Variants in RBBP8 observed in about 807,000 individuals in gnomAD.
RBBP8 encodes the protein DNA endonuclease RBBP8.
RBBP8 carries 88 observed loss-of-function variants against 108.3 expected under a neutral mutation model. That is an observed-to-expected ratio of 0.81 (90% CI 0.68 to 0.97). RBBP8 has a LOEUF of 0.97. Ranked by LOEUF, RBBP8 falls within the 50% of genes least tolerant of loss-of-function variation. The pLI, the probability that RBBP8 is intolerant of heterozygous loss-of-function variation, is 0.00. For missense variants in RBBP8, 1,023 were observed against 1,049.0 expected, an observed-to-expected ratio of 0.98 and a Z score of 0.34; for synonymous variants, 332 against 348.2, an observed-to-expected ratio of 0.95 and a Z score of 0.52.
intron 4 of RBBP8, among the ~76,000 whole-genome samples, chr18:22,966,677 C>CATGG (rs1434976394): frequency 2.0e-5 from 3 of 148,330 alleles, no homozygotes; most frequent in African/African-American, 7.4e-5. Context: ...GTGGCATATG[C>CATGG]TACCATGCTG....
At chr18:22,968,977 A>G (rs971976318) in intron 5 of RBBP8, 59 bp downstream of exon 5, 38 of 1,294,558 alleles carry the variant, frequency 2.9e-5, no homozygotes, top group Non-Finnish European at 3.7e-5. Context: ...TTTAAGACCT[A>G]TTAGTAAATT....
chr18:22,990,303 A>G (rs988079963), intron 9 of RBBP8, among the ~76,000 whole-genome samples: 17 of 152,174 alleles, frequency 1.1e-4, no homozygotes, highest in Admixed American at 1.1e-3. Flanking sequence ...CATTGTAACA[A>G]AATCTCCAGT....
At chr18:23,013,499 A>G (rs559038994) in intron 16 of RBBP8, among the ~76,000 whole-genome samples, 93 of 152,320 alleles carry the variant, frequency 6.1e-4, no homozygotes, top group Non-Finnish European at 1.0e-3. Context: ...CCAAGGTTTT[A>G]TAATAGTAAT....
intron 3 of RBBP8, among the ~76,000 whole-genome samples, chr18:22,924,131 T>TTTG (rs1555630316): frequency 7.8e-5 from 11 of 140,134 alleles, no homozygotes; most frequent in African/African-American, 1.6e-4. Flanking sequence ...TTTTTGGTTT[T>TTTG]TTTTTTTTTT....
intron 4 of RBBP8, among the ~76,000 whole-genome samples, chr18:22,958,829 A>G (rs952673602): frequency 5.3e-5 from 8 of 152,208 alleles, no homozygotes; most frequent in East Asian, 1.9e-4. Flanking sequence ...GGCATGAGCC[A>G]CTGTGCTCAG....
intron 4 of RBBP8, among the ~76,000 whole-genome samples, chr18:22,958,515 T>G (rs950022621): frequency 2.6e-5 from 4 of 152,228 alleles, no homozygotes; most frequent in African/African-American, 9.6e-5. Context: ...ATTTAATGCC[T>G]TAGTTATTCT....
At chr18:22,970,096 A>C (rs1913957993) in intron 5 of RBBP8, among the ~76,000 whole-genome samples, 1 of 152,184 alleles carries the variant, frequency 6.6e-6, no homozygotes, top group South Asian at 2.1e-4. Context: ...AATCATCTCT[A>C]GATTCCTTAT....
upstream of RBBP8, among the ~76,000 whole-genome samples, chr18:22,932,792 G>A (rs1910119925): frequency 6.6e-6 from 1 of 152,180 alleles, no homozygotes; most frequent in Admixed American, 6.5e-5. Flanking sequence ...ACAGCATGTT[G>A]TCCCAATAAA....
chr18:22,938,980 A>G (rs8095237), intron 2 of RBBP8, among the ~76,000 whole-genome samples: 1 of 152,146 alleles, frequency 6.6e-6, no homozygotes. Flanking sequence ...GTGTTAAAAG[A>G]TACACCATAT....
rs918717412 is a variant in RBBP8 at position 22,933,350 on chromosome 18, G to A, written c.-313G>A. On this transcript the variant is annotated 5_prime_UTR_variant, in exon 1 of 19. Coordinates refer to ENST00000327155, the MANE Select transcript of RBBP8 (RefSeq NM_002894.3). ...CCCGCGTGACGTCGCGCGGGCTCCC[G>A]GGCGGGGCGGGTCCGGCCGCCTCCG... 6.6e-6 allele frequency: 1 copy of A among 152,620 alleles called. No individual in the cohort carries two copies. The highest frequency in any genetic ancestry group is 1.5e-5 in the Non-Finnish European group (1 of 68,134). 9.5% of individuals were successfully genotyped at this position (152,620 alleles called of 1,614,324 possible).
At chr18:23,007,143 C>A (rs1486876725) in intron 16 of RBBP8, among the ~76,000 whole-genome samples, 2 of 151,222 alleles carry the variant, frequency 1.3e-5, no homozygotes, top group African/African-American at 4.9e-5. Context: ...GCCCCCGCCT[C>A]CCGAGTAGCT....
chr18:22,945,787 T>G (rs1016756182), intron 2 of RBBP8, among the ~76,000 whole-genome samples: 3 of 152,216 alleles, frequency 2.0e-5, no homozygotes, highest in African/African-American at 7.2e-5. Flanking sequence ...GTATGTATTT[T>G]CATATTTGTT....
intron 16 of RBBP8, among the ~76,000 whole-genome samples, chr18:23,010,924 T>C (rs1162041650): frequency 6.6e-6 from 1 of 152,182 alleles, no homozygotes; most frequent in African/African-American, 2.4e-5. Context: ...TAAGACACTA[T>C]AGAAGTGGAG....
At chr18:22,947,422 A>G (rs1911658605) in intron 3 of RBBP8, among the ~76,000 whole-genome samples, 1 of 151,938 alleles carries the variant, frequency 6.6e-6, no homozygotes, top group South Asian at 2.1e-4. Context: ...AAATTGTTGA[A>G]TGTGCTGCAT....
chr18:23,024,040 AT>A (rs35157427), intron 18 of RBBP8, among the ~76,000 whole-genome samples: 1,601 of 102,898 alleles, frequency 0.016, 28 homozygotes, highest in African/African-American at 0.054. Context: ...TACCCAGCCT[AT>A]TTTTTTTTTT....
In RBBP8 at chr18:22,993,049, A is replaced by T. The variant is rs752959138; in HGVS notation, c.1222A>T (p.Ile408Leu). 6.2e-7 allele frequency: 1 copy of T among 1,612,288 alleles called. No homozygotes were observed. The highest frequency in any genetic ancestry group is 1.3e-5 in the African/African-American group (1 of 74,878). ...IIQSSNKQIL[I>L]NKNISESLGE... ...CCAGTCATCTAATAAACAGATACTT[A>T]TAAATAAAAATATAAGTGAATCCCT... The change falls in exon 11 of 19, where the codon ATA (isoleucine) becomes TTA (leucine). Residue 408 changes from isoleucine to leucine, a missense_variant. Coordinates refer to ENST00000327155, the MANE Select transcript of RBBP8 (RefSeq NM_002894.3).
chr18:22,991,142 C>T (rs1915670416), intron 10 of RBBP8, 93 bp downstream of exon 10: 2 of 911,450 alleles, frequency 2.2e-6, no homozygotes, highest in Admixed American at 2.0e-5. Flanking sequence ...TCTCCTTCAA[C>T]ATATAGTTTG....
intron 16 of RBBP8, among the ~76,000 whole-genome samples, chr18:23,008,052 TC>T (rs201402006): frequency 0.01 from 1,590 of 152,152 alleles, 24 homozygotes; most frequent in African/African-American, 0.036. Flanking sequence ...GACCTCGTGA[TC>T]CACCCGCCTC....
intron 8 of RBBP8, among the ~76,000 whole-genome samples, chr18:22,988,320 G>A (rs1445143102): frequency 6.6e-6 from 1 of 152,100 alleles, no homozygotes. Context: ...AAACTCCTTA[G>A]CATAACCTGA....
Sources: gnomAD v4.1 joint callset for allele counts (sites outside exome capture counted in the v4.1 genomes callset) on GRCh38, gnomAD v4.1.1 for gene constraint, MANE v1.5 for transcripts, NCBI Gene and HGNC (gene_info 2026-07-23, HGNC 2026-07-21) for gene names.